Variants in ROCK1 observed in about 807,000 individuals in gnomAD.
ROCK1 encodes the protein rho-associated protein kinase 1.
Under a neutral mutation model 196.8 loss-of-function variants are expected in ROCK1, and 36 were observed. The observed-to-expected ratio is 0.18, with a 90% confidence interval of 0.14 to 0.24. The LOEUF (loss-of-function observed/expected upper bound fraction) is 0.24. Ranked by LOEUF, ROCK1 falls within the 10% of genes least tolerant of loss-of-function variation. The pLI is 1.00. For missense variants in ROCK1, 920 were observed against 1,562.0 expected, an observed-to-expected ratio of 0.59 and a Z score of 6.93; for synonymous variants, 443 against 515.9, an observed-to-expected ratio of 0.86 and a Z score of 1.91.
At chr18:20,970,262 G>T in intron 23 of ROCK1, 86 bp downstream of exon 23, 2 of 991,900 alleles carry the variant, frequency 2.0e-6, no homozygotes, top group Non-Finnish European at 3.0e-6. Flanking sequence ...AAATACACTT[G>T]CACACACACT....
chr18:20,953,322 TA>T (rs2035208375), intron 32 of ROCK1: 1 of 319,144 alleles, frequency 3.1e-6, no homozygotes, highest in African/African-American at 2.2e-5. Context: ...CATTAAGGGC[TA>T]AAACTATGCC....
chr18:20,985,842 A>G (rs1014336523), intron 19 of ROCK1, among the ~76,000 whole-genome samples: 5 of 152,122 alleles, frequency 3.3e-5, no homozygotes, highest in African/African-American at 9.7e-5. Flanking sequence ...GCTTTCACCT[A>G]TAGCTCCCAT....
rs754120405 is a variant in ROCK1 at position 21,045,279 on chromosome 18, C to T, written c.590+13G>A. On this transcript the variant is annotated intron_variant, in intron 5 of 32. Coordinates refer to ENST00000399799, the MANE Select transcript of ROCK1 (RefSeq NM_005406.3). ...TCAACAAATGAGAAAATTTAAAGCACTTTTATCTTTACCTGTGAATAAAAC... is the reference window on the plus strand; with the variant it reads ...TCAACAAATGAGAAAATTTAAAGCATTTTTATCTTTACCTGTGAATAAAAC... The T allele has an allele frequency of 7.0e-6, 11 of 1,569,054 alleles. No individual in the cohort carries two copies. The highest frequency in any genetic ancestry group is 9.5e-6 in the Non-Finnish European group (11 of 1,160,444).
intron 9 of ROCK1, among the ~76,000 whole-genome samples, chr18:21,031,653 G>A (rs922278963): frequency 2.6e-4 from 39 of 149,318 alleles, no homozygotes; most frequent in African/African-American, 9.3e-4. Context: ...CACCTCTGAG[G>A]AAACCAAGAT....
At chr18:21,039,914 G>A (rs1376210442) in intron 8 of ROCK1, among the ~76,000 whole-genome samples, 2 of 151,900 alleles carry the variant, frequency 1.3e-5, no homozygotes, top group Non-Finnish European at 2.9e-5. Flanking sequence ...TAAAACTAGC[G>A]GGTGTACTGG....
intron 2 of ROCK1, among the ~76,000 whole-genome samples, chr18:21,066,234 T>C (rs1164903208): frequency 6.6e-6 from 1 of 152,150 alleles, no homozygotes; most frequent in Non-Finnish European, 1.5e-5. Context: ...TCTAATTATA[T>C]TGAAAAAATA....
rs956779921 is a variant in ROCK1, at chr18:20,947,715, C to A, written c.*3669G>T. The A allele has an allele frequency of 4.6e-5, 7 of 151,920 alleles. No homozygotes were observed. Among genetic ancestry groups the A allele is most frequent in the Non-Finnish European group, 7.4e-5 (5 of 68,004 alleles). The allele number at this position is 151,920 out of a possible 1,614,324, so 9.4% of individuals were successfully genotyped here. On this transcript the variant is annotated 3_prime_UTR_variant, in exon 33 of 33. Coordinates refer to ENST00000399799, the MANE Select transcript of ROCK1 (RefSeq NM_005406.3). ...AAAATCATTTGTTTATTTAAAAAAA[C>A]CATTTCCGTTTATTCATGTCTTTTT...
intron 16 of ROCK1, among the ~76,000 whole-genome samples, chr18:21,004,251 C>T (rs2035750314): frequency 6.6e-6 from 1 of 152,086 alleles, no homozygotes; most frequent in Non-Finnish European, 1.5e-5. Flanking sequence ...CAACAGAGAT[C>T]ATATATGGAG....
At chr18:21,014,289 C>T (rs1191230740) in intron 13 of ROCK1, among the ~76,000 whole-genome samples, 1 of 152,064 alleles carries the variant, frequency 6.6e-6, no homozygotes, top group South Asian at 2.1e-4. Flanking sequence ...AAAAGAAAAC[C>T]CTGAAGACTC....
At chr18:21,065,682 G>A (rs1334168129) in intron 2 of ROCK1, among the ~76,000 whole-genome samples, 2 of 151,876 alleles carry the variant, frequency 1.3e-5, no homozygotes, top group African/African-American at 4.8e-5. Flanking sequence ...TTTTATCTTG[G>A]TATCATCTCT....
chr18:21,015,849 G>A (rs1598528922), intron 12 of ROCK1, among the ~76,000 whole-genome samples: 1 of 151,526 alleles, frequency 6.6e-6, no homozygotes, highest in Non-Finnish European at 1.5e-5. Flanking sequence ...GCATGGTGGC[G>A]GGCGCCTGTA....
At chr18:21,009,572 G>A (rs79059382) in intron 13 of ROCK1, among the ~76,000 whole-genome samples, 15,903 of 152,124 alleles carry the variant, frequency 0.1, 1,333 homozygotes, top group African/African-American at 0.22. Context: ...ACATGCCCAA[G>A]AATACAATTG....
chr18:20,959,147 AAT>A lies in ROCK1; in HGVS notation c.3512+691_3512+692del, dbSNP rs1491137444. Among the ~76,000 whole-genome samples, 201 of 61,254 alleles carry A rather than the reference AAT, an allele frequency of 3.3e-3. 3 individuals carry two copies. Among genetic ancestry groups the A allele is most frequent in the African/African-American group, 0.015 (157 of 10,508 alleles). The allele number at this position is 61,254 out of a possible 152,430, so 40.2% of individuals were successfully genotyped here. A position where few individuals can be genotyped will look rare whatever the true frequency, so the allele number is the denominator to read the frequency against. On this transcript the variant is annotated intron_variant, in intron 29 of 32. Transcript: ENST00000399799. Reference sequence around the variant, plus strand: ...TATATATATTATATATATTATATAAAATATATATATTATATATTATATAATAT... The same window carrying A: ...TATATATATTATATATATTATATAAAATATATATTATATATTATATAATAT...
intron 12 of ROCK1, among the ~76,000 whole-genome samples, chr18:21,019,686 T>C (rs2143461564): frequency 6.6e-6 from 1 of 151,500 alleles, no homozygotes; most frequent in Middle Eastern, 3.4e-3. Context: ...TAGGCCCAGC[T>C]ACTCGGGAGG....
At chr18:21,105,994 A>G (rs2036699738) in intron 1 of ROCK1, among the ~76,000 whole-genome samples, 1 of 152,198 alleles carries the variant, frequency 6.6e-6, no homozygotes, top group Non-Finnish European at 1.5e-5. Flanking sequence ...AGAAAAACTC[A>G]AAGACTAACA....
chr18:21,108,931 G>A (rs918219028), intron 1 of ROCK1, among the ~76,000 whole-genome samples: 3 of 152,036 alleles, frequency 2.0e-5, no homozygotes, highest in Non-Finnish European at 2.9e-5. Context: ...ACAATCTAAC[G>A]CTAATATTTC....
chr18:20,952,238 A>T (rs2035195682), intron 32 of ROCK1, among the ~76,000 whole-genome samples: 1 of 151,786 alleles, frequency 6.6e-6, no homozygotes, highest in African/African-American at 2.4e-5. Context: ...AAAAATTAGC[A>T]GGCCGTGGTG....
intron 2 of ROCK1, among the ~76,000 whole-genome samples, chr18:21,065,563 T>C (rs1374733884): frequency 6.6e-6 from 1 of 152,188 alleles, no homozygotes; most frequent in Non-Finnish European, 1.5e-5. Flanking sequence ...TATAAGCATA[T>C]ACAATCATAA....
chr18:21,079,262 TCTC>T (rs1471586958), intron 1 of ROCK1, among the ~76,000 whole-genome samples: 1 of 152,140 alleles, frequency 6.6e-6, no homozygotes, highest in African/African-American at 2.4e-5. Context: ...ACCTTCCTTT[TCTC>T]CTCTTTTTTT....
Sources: allele counts gnomAD v4.1 joint callset (sites outside exome capture counted in the v4.1 genomes callset), GRCh38; gene constraint gnomAD v4.1.1; transcripts MANE v1.5; gene names NCBI Gene and HGNC (gene_info 2026-07-23, HGNC 2026-07-21).